Variants in ORC5 observed in about 807,000 individuals in gnomAD.
The protein encoded by ORC5 is origin recognition complex subunit 5, also known as protein phosphatase 1, regulatory subunit 117.
In ORC5, 39 loss-of-function variants were observed where a neutral mutation model predicts 58.8. That is an observed-to-expected ratio of 0.66 (90% CI 0.51 to 0.87). The LOEUF is 0.87. ORC5 is among the 40% of genes least tolerant of loss of function. ORC5 has a pLI of 0.00. For missense variants in ORC5, 493 were observed against 506.3 expected (o/e 0.97, Z 0.25); for synonymous variants, 218 against 177.6 (o/e 1.23, Z -1.81).
At chr7:104,184,797 C>T (rs886861616) in intron 6 of ORC5, among the ~76,000 whole-genome samples, 2 of 151,878 alleles carry the variant, frequency 1.3e-5, no homozygotes, top group Admixed American at 6.6e-5. Context: ...AAGATTAACT[C>T]TCAAGAAAGA....
intron 12 of ORC5, among the ~76,000 whole-genome samples, chr7:104,149,234 T>C (rs1403544833): frequency 6.6e-6 from 1 of 152,152 alleles, no homozygotes; most frequent in Non-Finnish European, 1.5e-5. Context: ...GAAAAGGTCT[T>C]TTTCTGAAAC....
At chr7:104,185,425 T>C (rs1243836356) in intron 6 of ORC5, among the ~76,000 whole-genome samples, 1 of 152,170 alleles carries the variant, frequency 6.6e-6, no homozygotes, top group Non-Finnish European at 1.5e-5. Context: ...CATAGAACCA[T>C]AAAACATATA....
In ORC5 at chr7:104,184,183, G is replaced by GA. The variant is rs2307408; in HGVS notation, c.685-13dup. 4.8e-3 allele frequency: 6,752 copies of GA among 1,414,300 alleles called. 100 individuals are homozygous for GA. In the African/African-American group the frequency reaches 0.054, roughly 11 times the overall value. The allele number at this position is 1,414,300 out of a possible 1,614,324, so 87.6% of individuals were successfully genotyped here. On this transcript the variant is annotated splice_polypyrimidine_tract_variant and intron_variant, in intron 6 of 13. Coordinates refer to ENST00000297431, the MANE Select transcript of ORC5 (RefSeq NM_002553.4). ...AAATTAAGTACTGCCTGTAAGTAAA[G>GA]AAAAAAAAAGAGAAGAAAAAAAGCA...
chr7:104,130,655 C>T (rs1336138553), intron 13 of ORC5, among the ~76,000 whole-genome samples: 1 of 152,218 alleles, frequency 6.6e-6, no homozygotes, highest in Non-Finnish European at 1.5e-5. Flanking sequence ...ATTTCTCTTT[C>T]TTACCTCCAA....
intron 12 of ORC5, among the ~76,000 whole-genome samples, chr7:104,160,857 G>C (rs1799010102): frequency 6.6e-6 from 1 of 151,954 alleles, no homozygotes; most frequent in Non-Finnish European, 1.5e-5. Context: ...TAAATTATTT[G>C]CCATGAGGTT....
At chr7:104,162,663 A>G (rs1799043897) in intron 11 of ORC5, among the ~76,000 whole-genome samples, 1 of 152,244 alleles carries the variant, frequency 6.6e-6, no homozygotes, top group African/African-American at 2.4e-5. Context: ...TACTTCAAAT[A>G]TATAAAAGAG....
Position 104,126,760 on chromosome 7 carries a change from ACT to A in ORC5, c.*86_*87del. On this transcript the variant is annotated 3_prime_UTR_variant, in exon 14 of 14. Transcript: ENST00000297431. ...TGGACAAATCCAATAGAGCCAAAGA[ACT>A]CCTCTCCTTGGCCAGCTAAGTAGCT... The A allele has an allele frequency of 1.1e-6, 1 of 896,826 alleles. No individual in the cohort carries two copies. Among genetic ancestry groups the A allele is most frequent in the Non-Finnish European group, 1.8e-6 (1 of 569,484 alleles). 55.6% of individuals were successfully genotyped at this position (896,826 alleles called of 1,614,324 possible). A position where few individuals can be genotyped will look rare whatever the true frequency, so the allele number is the denominator to read the frequency against.
At chr7:104,177,324 G>C (rs937969062) in intron 8 of ORC5, among the ~76,000 whole-genome samples, 2 of 152,064 alleles carry the variant, frequency 1.3e-5, no homozygotes, top group Admixed American at 1.3e-4. Context: ...GCTTCTTAAA[G>C]TCTAAGAAAA....
intron 12 of ORC5, among the ~76,000 whole-genome samples, chr7:104,155,414 C>T (rs1050071472): frequency 1.3e-5 from 2 of 151,396 alleles, no homozygotes; most frequent in South Asian, 4.1e-4. Flanking sequence ...ATATGGTACA[C>T]AGAACTATTT....
chr7:104,157,913 G>A (rs1438191838), intron 12 of ORC5, among the ~76,000 whole-genome samples: 1 of 151,986 alleles, frequency 6.6e-6, no homozygotes, highest in Non-Finnish European at 1.5e-5. Context: ...GGTATGCCTT[G>A]CTTTTCAAAC....
At chr7:104,173,349 C>A (rs1799251919) in intron 8 of ORC5, among the ~76,000 whole-genome samples, 1 of 152,240 alleles carries the variant, frequency 6.6e-6, no homozygotes, top group Admixed American at 6.5e-5. Flanking sequence ...GAGTTTACTA[C>A]AGCATATGCA....
At position 104,184,192 on chromosome 7, in the gene ORC5, A is replaced by G. The variant is rs1799494376; in HGVS notation, c.685-21T>C. On this transcript the variant is annotated intron_variant, in intron 6 of 13. Transcript: ENST00000297431. ...ACTGCCTGTAAGTAAAGAAAAAAAA[A>G]GAGAAGAAAAAAAGCACTGATCGAT... 2.1e-6 allele frequency: 3 copies of G among 1,449,774 alleles called. No homozygotes were observed. In the African/African-American group the frequency reaches 4.4e-5, roughly 21 times the overall value. The allele number at this position is 1,449,774 out of a possible 1,614,324, so 89.8% of individuals were successfully genotyped here. A position where few individuals can be genotyped will look rare whatever the true frequency, so the allele number is the denominator to read the frequency against.
chr7:104,196,453 T>C (rs898162051), intron 4 of ORC5, among the ~76,000 whole-genome samples: 6 of 152,228 alleles, frequency 3.9e-5, no homozygotes, highest in African/African-American at 1.4e-4. Context: ...AAAGCAAGAC[T>C]GTGTGAGGTT....
Position 104,129,393 on chromosome 7 carries a change from A to T in ORC5, c.1263-2500T>A, listed in dbSNP as rs576286675. ...TGAATCATAGTAAGAGTTTTAGATT[A>T]AAAAAAATCGATCAGGAATTGAATA... On this transcript the variant is annotated intron_variant, in intron 13 of 13. Transcript: ENST00000297431. This position sits in a 1 kb window ranked among gnomAD's most constrained non-coding sequence, Gnocchi z 4.9. Among the ~76,000 whole-genome samples, 37 of 152,164 alleles carry T rather than the reference A, an allele frequency of 2.4e-4. No homozygotes were observed. The highest frequency in any genetic ancestry group is 6.7e-4 in the African/African-American group (28 of 41,534).
intron 6 of ORC5, among the ~76,000 whole-genome samples, chr7:104,186,783 G>A (rs780417161): frequency 1.4e-4 from 22 of 151,984 alleles, no homozygotes; most frequent in Non-Finnish European, 2.5e-4. Context: ...TAAGAACATT[G>A]TGCTATTTTT....
At chr7:104,191,540 A>T (rs1015374634) in intron 5 of ORC5, among the ~76,000 whole-genome samples, 3 of 151,794 alleles carry the variant, frequency 2.0e-5, no homozygotes, top group Non-Finnish European at 4.4e-5. Flanking sequence ...AGTTGATTAG[A>T]TGTTATCACC....
intron 5 of ORC5, among the ~76,000 whole-genome samples, chr7:104,190,907 A>G (rs533798906): frequency 1.3e-5 from 2 of 152,120 alleles, no homozygotes; most frequent in Admixed American, 6.6e-5. Context: ...GTGCCTGCCA[A>G]TCAATTAGAT....
At chr7:104,178,913 CAA>C (rs142745123) in intron 8 of ORC5, among the ~76,000 whole-genome samples, 2 of 150,224 alleles carry the variant, frequency 1.3e-5, no homozygotes, top group African/African-American at 4.9e-5. Context: ...CTTACAAAGC[CAA>C]AAAAAAGTGT....
chr7:104,143,658 A>G (rs1191603200), intron 12 of ORC5, among the ~76,000 whole-genome samples: 1 of 152,208 alleles, frequency 6.6e-6, no homozygotes, highest in Non-Finnish European at 1.5e-5. Flanking sequence ...ACCTAAAAAA[A>G]GCAATTAAAT....
Sources: gnomAD v4.1 joint callset for allele counts (sites outside exome capture counted in the v4.1 genomes callset) on GRCh38, gnomAD v4.1.1 for gene constraint, Gnocchi (gnomAD v3.1) non-coding constraint, MANE v1.5 for transcripts, NCBI Gene and HGNC (gene_info 2026-07-23, HGNC 2026-07-21) for gene names.